The following PAPOLG variants were observed in gnomAD, a reference collection of about 807,000 sequenced individuals.
The protein encoded by PAPOLG is poly(A) polymerase gamma.
A neutral mutation model predicts 99.0 loss-of-function variants in PAPOLG; 40 were observed. The ratio of observed to expected loss-of-function variants is 0.40; its 90% CI spans 0.31 to 0.53. PAPOLG has a LOEUF of 0.53. PAPOLG is among the 20% of genes least tolerant of loss of function. The probability of loss-of-function intolerance (pLI) is 0.41; values close to 1 mark genes in which losing one functional copy is unlikely to be tolerated. For synonymous variants in PAPOLG, 310 were observed against 299.3 expected (o/e 1.04, Z -0.37); for missense variants, 675 against 884.1 (o/e 0.76, Z 3.00).
chr2:60,795,148 C>T (rs1458405627), intron 21 of PAPOLG, 128 bp downstream of exon 21: 3 of 779,402 alleles, frequency 3.8e-6, no homozygotes, highest in Non-Finnish European at 6.4e-6. Context: ...TCCCCAAGGA[C>T]TAGCAGTGTA....
intron 14 of PAPOLG, 158 bp from the exon 15 acceptor site, chr2:60,787,353 A>C: frequency 4.1e-6 from 2 of 483,536 alleles, no homozygotes; most frequent in Non-Finnish European, 5.4e-6. Context: ...GGGATAACTT[A>C]CCAGTTCTGG....
chr2:60,756,354 G>C lies in PAPOLG; in HGVS notation c.-125G>C. ...CGGTTGGATGCCTCAGCCATAGTAA[G>C]TGGGAAAGTGAGCGAGCAAGCGAGC... On this transcript the variant is annotated 5_prime_UTR_variant, in exon 1 of 22. Transcript: ENST00000238714. 8.2e-7 allele frequency: 1 copy of C among 1,224,566 alleles called. No homozygotes were observed. The highest frequency in any genetic ancestry group is 2.4e-5 in the East Asian group (1 of 42,512). 75.9% of individuals were successfully genotyped at this position (1,224,566 alleles called of 1,614,324 possible).
At chr2:60,782,329 G>A (rs1272312460) in intron 11 of PAPOLG, among the ~76,000 whole-genome samples, 1 of 152,114 alleles carries the variant, frequency 6.6e-6, no homozygotes, top group Non-Finnish European at 1.5e-5. Flanking sequence ...CACTTTGGGA[G>A]GCCGAGGCGA....
chr2:60,766,548 C>T (rs2103768421), intron 3 of PAPOLG, among the ~76,000 whole-genome samples: 1 of 152,100 alleles, frequency 6.6e-6, no homozygotes, highest in Non-Finnish European at 1.5e-5. Flanking sequence ...TGTCTGTAGT[C>T]TCAGATACTC....
intron 12 of PAPOLG, 36 bp from the exon 13 acceptor site, chr2:60,783,120 G>T: frequency 6.6e-7 from 1 of 1,521,434 alleles, no homozygotes; most frequent in Non-Finnish European, 8.8e-7. Flanking sequence ...CAATTTTTCT[G>T]GCTTTTTTTC....
At position 60,794,176 on chromosome 2, in the gene PAPOLG, G is replaced by C. The variant is rs1236486510; in HGVS notation, c.1974G>C (p.Leu658Phe). ...SPSIDGTPKR[L>F]KDVEKFIRLE... ...CCATAGATGGGACTCCTAAGAGGTT[G>C]AAAGACGTAGAAAAGGTAAAGTTAC... The change falls in exon 19 of 22, where the codon TTG becomes TTC. Residue 658 changes from leucine (L) to phenylalanine (F), a missense_variant. Leu to Phe is a conservative substitution (Grantham distance 22). This residue lies in a region of PAPOLG where 413 missense variants were observed against 460.5 expected (regional missense o/e 0.90). Coordinates refer to ENST00000238714, the MANE Select transcript of PAPOLG (RefSeq NM_022894.4). 1 of 1,612,252 alleles carries C rather than the reference G, an allele frequency of 6.2e-7. No homozygotes were observed. The highest frequency in any genetic ancestry group is 1.7e-5 in the Admixed American group (1 of 59,890).
chr2:60,768,930 A>G, intron 5 of PAPOLG, 40 bp downstream of exon 5: 1 of 1,412,332 alleles, frequency 7.1e-7, no homozygotes, highest in Non-Finnish European at 9.6e-7. Flanking sequence ...AATTTAGATT[A>G]GTAACAAATA....
chr2:60,773,511 A>G (rs1307990779), intron 7 of PAPOLG, among the ~76,000 whole-genome samples: 2 of 152,212 alleles, frequency 1.3e-5, no homozygotes, highest in Admixed American at 6.5e-5. Flanking sequence ...AGGTTAGAGT[A>G]TGGAATCTAA....
At chr2:60,779,574 A>G in intron 8 of PAPOLG, 63 bp from the exon 9 acceptor site, 1 of 1,519,252 alleles carries the variant, frequency 6.6e-7, no homozygotes, top group Non-Finnish European at 8.9e-7. Context: ...AAAGAGCAGA[A>G]AAAAAAAGAA....
chr2:60,766,558 CTG>C (rs1247848496), intron 3 of PAPOLG, among the ~76,000 whole-genome samples: 1 of 151,866 alleles, frequency 6.6e-6, no homozygotes, highest in East Asian at 1.9e-4. Context: ...CTCAGATACT[CTG>C]TAAGCCAAGG....
intron 12 of PAPOLG, 45 bp downstream of exon 12, chr2:60,782,815 TTA>T (rs1197935753): frequency 2.0e-6 from 3 of 1,525,392 alleles, no homozygotes; most frequent in South Asian, 1.3e-5. Context: ...TTTTTTTTTT[TTA>T]AAGAAGAATG....
chr2:60,779,652 C>G lies in PAPOLG; in HGVS notation c.710C>G (p.Ser237Cys). Residue 237 changes from serine to cysteine, a missense_variant, in exon 9 of 22, where the codon TCC becomes TGC. Transcript: ENST00000238714. ...KLWAKRRGIY[S>C]NMLGFLGGVS... ...GATTTTCTAGGACGTGGTATTTATT[C>G]CAACATGCTAGGATTCCTTGGTGGT... The G allele has an allele frequency of 6.2e-7, 1 of 1,610,966 alleles. No homozygotes were observed. The highest frequency in any genetic ancestry group is 8.5e-7 in the Non-Finnish European group (1 of 1,178,054).
Position 60,793,687 on chromosome 2 carries a change from A to G in PAPOLG, c.1740A>G (p.Gln580=). ...AGCCACTGAGTGTACCACCAGCCCA[A>G]GGACTTTCCATTCCAGTGATTGGCG... The part of the protein sequence containing the change: ...VEKPLSVPPA[Q]GLSIPVIGAK... The change falls in exon 18 of 22, where the codon CAA becomes CAG. Residue 580 remains glutamine (Q), a synonymous_variant. Transcript: ENST00000238714. 6.2e-7 allele frequency: 1 copy of G among 1,613,490 alleles called. No homozygotes were observed. Among genetic ancestry groups the G allele is most frequent in the Non-Finnish European group, 8.5e-7 (1 of 1,179,588 alleles).
intron 7 of PAPOLG, among the ~76,000 whole-genome samples, chr2:60,774,814 T>A (rs1179248657): frequency 6.6e-6 from 1 of 152,234 alleles, no homozygotes; most frequent in East Asian, 1.9e-4. Flanking sequence ...TAAAAAATAC[T>A]CAGGCACATC....
At chr2:60,770,621 TC>T in intron 6 of PAPOLG, 110 bp downstream of exon 6, 5 of 666,880 alleles carry the variant, frequency 7.5e-6, no homozygotes, top group South Asian at 2.4e-5. Flanking sequence ...TCAAGTAATC[TC>T]TTTTTTTTTT....
Position 60,798,268 on chromosome 2 carries a change from T to G in PAPOLG, c.*1108T>G, listed in dbSNP as rs547848897. 1 of 152,910 alleles carries G rather than the reference T, an allele frequency of 6.5e-6. No homozygotes were observed. The highest frequency in any genetic ancestry group is 2.1e-4 in the South Asian group (1 of 4,826). 9.5% of individuals were successfully genotyped at this position (152,910 alleles called of 1,614,324 possible). On this transcript the variant is annotated 3_prime_UTR_variant, in exon 22 of 22. Coordinates refer to ENST00000238714, the MANE Select transcript of PAPOLG (RefSeq NM_022894.4). ...TTTATTTAACTATATGAGTTGTCTT[T>G]TTTTACGCTGCTTTTTTCAATGCAT...
At position 60,794,819 on chromosome 2, in the gene PAPOLG, G is replaced by T. The variant is rs189021143; in HGVS notation, c.2055+44G>T. ...TGCTTCAGAATATTTATTGTAAAGCGCCATGTATCAGGAAAAGTGCCATAT... is the reference window on the plus strand; with the variant it reads ...TGCTTCAGAATATTTATTGTAAAGCTCCATGTATCAGGAAAAGTGCCATAT... On this transcript the variant is annotated intron_variant, in intron 20 of 21. Transcript: ENST00000238714. The T allele has an allele frequency of 1.8e-5, 28 of 1,547,084 alleles. No homozygotes were observed. In the East Asian group the frequency reaches 4.5e-4, roughly 25 times the overall value.
chr2:60,768,218 C>T (rs1031307176), intron 3 of PAPOLG, among the ~76,000 whole-genome samples: 5 of 152,204 alleles, frequency 3.3e-5, no homozygotes, highest in African/African-American at 1.2e-4. Context: ...TCTCCTGCCT[C>T]AGCCTACCAA....
chr2:60,794,141 C>G lies in PAPOLG; in HGVS notation c.1939C>G (p.His647Asp), dbSNP rs1671627299. The G allele has an allele frequency of 1.2e-6, 2 of 1,613,498 alleles. No individual in the cohort carries two copies. Among genetic ancestry groups the G allele is most frequent in the Non-Finnish European group, 1.7e-6 (2 of 1,179,496 alleles). ...ITKTVTPKRS[H>D]SPSIDGTPKR... Reference sequence around the variant, plus strand: ...TAAGACTGTTACACCTAAGAGATCCCATTCCCCATCCATAGATGGGACTCC... The same window carrying G: ...TAAGACTGTTACACCTAAGAGATCCGATTCCCCATCCATAGATGGGACTCC... The change falls in exon 19 of 22, where the codon CAT (histidine) becomes GAT (aspartate). Residue 647 changes from histidine to aspartate, a missense_variant. His to Asp is a moderately conservative substitution (Grantham distance 81, BLOSUM62 -1). This residue lies in a region of PAPOLG where 413 missense variants were observed against 460.5 expected (regional missense o/e 0.90). Coordinates refer to ENST00000238714, the MANE Select transcript of PAPOLG (RefSeq NM_022894.4).
Sources: gnomAD v4.1 joint callset for allele counts (sites outside exome capture counted in the v4.1 genomes callset) on GRCh38, gnomAD v4.1.1 for gene constraint, gnomAD v4.1.1 regional missense constraint, MANE v1.5 for transcripts, NCBI Gene and HGNC (gene_info 2026-07-23, HGNC 2026-07-21) for gene names.